The following ANKRD37 variants were observed in gnomAD, a reference collection of about 807,000 sequenced individuals.
The protein encoded by ANKRD37 is ankyrin repeat domain 37.
Under a neutral mutation model 19.7 loss-of-function variants are expected in ANKRD37, and 17 were observed. The ratio of observed to expected loss-of-function variants is 0.86; its 90% CI spans 0.59 to 1.29. The LOEUF is 1.29. Among genes scored for constraint, ANKRD37 ranks in the 50% most tolerant of loss-of-function variants. The pLI is 0.00. For missense variants in ANKRD37, 207 were observed against 190.4 expected, an observed-to-expected ratio of 1.09 and a Z score of -0.51; for synonymous variants, 79 against 74.5, an observed-to-expected ratio of 1.06 and a Z score of -0.31.
At chr4:185,398,794 CA>C (rs34434090) in intron 2 of ANKRD37, 142 bp from the exon 3 acceptor site, 31,332 of 252,838 alleles carry the variant, frequency 0.12, 1 homozygote, top group Middle Eastern at 0.17. Flanking sequence ...TGTTCTCTGC[CA>C]AAAAAAAAAA....
chr4:185,398,962 A>G lies in ANKRD37; in HGVS notation c.206A>G (p.His69Arg). ...QQDVLGEAPLHKAAKVGSLEC... is the reference protein window; with the variant it reads ...QQDVLGEAPLRKAAKVGSLEC... ...GATGTTTTAGGAGAAGCTCCACTAC[A>G]CAAGGCAGCAAAAGTTGGAAGCCTG... is the stretch of plus-strand genomic sequence containing the variant. Residue 69 changes from histidine to arginine, a missense_variant, in exon 3 of 5, where the codon CAC becomes CGC. Transcript: ENST00000335174. 1 of 1,613,898 alleles carries G rather than the reference A, an allele frequency of 6.2e-7. No homozygotes were observed. The highest frequency in any genetic ancestry group is 8.5e-7 in the Non-Finnish European group (1 of 1,179,842).
chr4:185,399,776 A>G lies in ANKRD37; in HGVS notation c.476+3A>G. On this transcript the variant is annotated splice_donor_region_variant and intron_variant, in intron 4 of 4. Transcript: ENST00000335174. Reference sequence around the variant, plus strand: ...ACCAGTGGGAAAAGGAAGTGCTGGTAAGTAACTCAGAGCTGCTGCTTTTTT... The same window carrying G: ...ACCAGTGGGAAAAGGAAGTGCTGGTGAGTAACTCAGAGCTGCTGCTTTTTT... 6.2e-7 allele frequency: 1 copy of G among 1,613,960 alleles called. No individual in the cohort carries two copies. The highest frequency in any genetic ancestry group is 8.5e-7 in the Non-Finnish European group (1 of 1,179,952).
chr4:185,399,359 C>T (rs1449767970), intron 3 of ANKRD37, among the ~76,000 whole-genome samples: 1 of 152,184 alleles, frequency 6.6e-6, no homozygotes, highest in Non-Finnish European at 1.5e-5. Flanking sequence ...ATAATTCTAA[C>T]ATTCATTCAG....
chr4:185,399,921 A>T, intron 4 of ANKRD37, 96 bp from the exon 5 acceptor site: 2 of 1,546,800 alleles, frequency 1.3e-6, no homozygotes, highest in Non-Finnish European at 1.7e-6. Flanking sequence ...TACTTACCAG[A>T]GTCTAGAGAC....
chr4:185,400,411 T>C, downstream of ANKRD37: 1 of 1,613,600 alleles, frequency 6.2e-7, no homozygotes, highest in East Asian at 2.2e-5. Flanking sequence ...ATTTGGTCGC[T>C]GAGGAAGACA....
chr4:185,399,940 G>T, intron 4 of ANKRD37, 77 bp from the exon 5 acceptor site: 4 of 1,564,502 alleles, frequency 2.6e-6, no homozygotes, highest in East Asian at 2.3e-5. Context: ...ACCAAAAATG[G>T]GACTGCATGG....
intron 2 of ANKRD37, among the ~76,000 whole-genome samples, chr4:185,398,513 A>G (rs2095508651): frequency 6.6e-6 from 1 of 152,244 alleles, no homozygotes; most frequent in African/African-American, 2.4e-5. Context: ...GAAGATCTAA[A>G]TAAAGGAATG....
intron 2 of ANKRD37, 32 bp downstream of exon 2, chr4:185,397,334 T>C (rs2095506050): frequency 5.0e-6 from 8 of 1,606,194 alleles, no homozygotes; most frequent in African/African-American, 1.3e-5. Context: ...TGTACAGCCG[T>C]CCCCTCCAAC....
At chr4:185,400,372 G>GTCTT (rs2095511844), downstream of ANKRD37, 1 of 1,576,360 alleles carries the variant, frequency 6.3e-7, no homozygotes, top group Non-Finnish European at 8.7e-7. Flanking sequence ...CTCTACTGCA[G>GTCTT]TCTTTGACTC....
At position 185,399,704 on chromosome 4, in the gene ANKRD37, G is replaced by C. The variant is rs757963460; in HGVS notation, c.407G>C (p.Cys136Ser). The part of the protein sequence containing the change: ...KASEHPDRND[C>S]VAVLRQKRSL... ...AGTGAACACCCTGACAGGAATGATTGTGTTGCCGTGCTCAGACAGAAACGG... is the reference window on the plus strand; with the variant it reads ...AGTGAACACCCTGACAGGAATGATTCTGTTGCCGTGCTCAGACAGAAACGG... Residue 136 changes from cysteine to serine, a missense_variant, in exon 4 of 5, where the codon TGT (cysteine) becomes TCT (serine). Transcript: ENST00000335174. 11 of 1,614,164 alleles carry C rather than the reference G, an allele frequency of 6.8e-6. No individual in the cohort carries two copies. The South Asian group carries it at 1.2e-4, about 18-fold the overall frequency.
Position 185,399,000 on chromosome 4 carries a change from C to T in ANKRD37, c.244C>T (p.Leu82=). ...AKVGSLECLS[L]LVASDAQIDL... is the part of the protein sequence containing the mutation. ...AGTTGGAAGCCTGGAGTGCCTAAGC[C>T]TGCTTGTAGCCAGTGATGCCCAAAT... Residue 82 remains leucine (L), a synonymous_variant, in exon 3 of 5, where the codon CTG becomes TTG. Coordinates refer to ENST00000335174, the MANE Select transcript of ANKRD37 (RefSeq NM_181726.4). 1 of 1,613,844 alleles carries T rather than the reference C, an allele frequency of 6.2e-7. No homozygotes were observed. Among genetic ancestry groups the T allele is most frequent in the Non-Finnish European group, 8.5e-7 (1 of 1,179,802 alleles).
At chr4:185,397,010 G>GTCTTCTCGT (rs1472904031) in intron 1 of ANKRD37, 60 bp downstream of exon 1, 1 of 1,611,098 alleles carries the variant, frequency 6.2e-7, no homozygotes, top group Non-Finnish European at 8.5e-7. Context: ...TTCTAGATTC[G>GTCTTCTCGT]TCTTCTCGTT....
rs763404305 is a variant in ANKRD37 at position 185,399,791 on chromosome 4, G to A, written c.476+18G>A. ...AAGTGCTGGTAAGTAACTCAGAGCT[G>A]CTGCTTTTTTCCTCCCGCAGTGATC... On this transcript the variant is annotated intron_variant, in intron 4 of 4. Transcript: ENST00000335174. 9.9e-6 allele frequency: 16 copies of A among 1,613,294 alleles called. No individual in the cohort carries two copies. The Admixed American group carries it at 2.2e-4, about 22-fold the overall frequency.
chr4:185,399,072 T>A, intron 3 of ANKRD37, 44 bp downstream of exon 3: 1 of 1,525,536 alleles, frequency 6.6e-7, no homozygotes, highest in Non-Finnish European at 9.1e-7. Context: ...TTTTCTTGGA[T>A]TAAACTAATC....
chr4:185,399,961 G>C lies in ANKRD37; in HGVS notation c.*-56G>C, dbSNP rs905626668. The C allele has an allele frequency of 1.9e-6, 3 of 1,584,180 alleles. No homozygotes were observed. In the East Asian group the frequency reaches 6.8e-5, roughly 36 times the overall value. ...AATGGGACTGCATGGTGGAAGTTTG[G>C]GGATAAAACTCTTTTTAAAAAAAAG... On this transcript the variant is annotated intron_variant, in intron 4 of 4. Coordinates refer to ENST00000335174, the MANE Select transcript of ANKRD37 (RefSeq NM_181726.4).
At chr4:185,399,147 TTAATCA>T (rs2126871741) in intron 3 of ANKRD37, 119 bp downstream of exon 3, 1 of 856,128 alleles carries the variant, frequency 1.2e-6, no homozygotes, top group Non-Finnish European at 1.9e-6. Flanking sequence ...TAATTTAGTG[TTAATCA>T]TTTAAATGTT....
At chr4:185,398,639 A>G (rs3087564) in intron 2 of ANKRD37, among the ~76,000 whole-genome samples, 10,304 of 152,174 alleles carry the variant, frequency 0.068, 388 homozygotes, top group South Asian at 0.088. Context: ...TTTAATTAGA[A>G]GAGATGTTGA....
At chr4:185,397,111 A>C in intron 1 of ANKRD37, 39 bp from the exon 2 acceptor site, 1 of 1,611,514 alleles carries the variant, frequency 6.2e-7, no homozygotes, top group Non-Finnish European at 8.5e-7. Flanking sequence ...GGGACTGGAC[A>C]AAGGTGGGAA....
In ANKRD37 at chr4:185,396,852, C is replaced by T; in HGVS notation, c.-72C>T. 4.6e-6 allele frequency: 7 copies of T among 1,523,170 alleles called. No individual in the cohort carries two copies. Among genetic ancestry groups the T allele is most frequent in the South Asian group, 2.2e-5 (2 of 89,404 alleles). The allele number at this position is 1,523,170 out of a possible 1,614,324, so 94.4% of individuals were successfully genotyped here. A position where few individuals can be genotyped will look rare whatever the true frequency, so the allele number is the denominator to read the frequency against. The stretch of plus-strand genomic sequence containing the variant: ...GCTAGGGCCAGCCTGCGCATTCTTA[C>T]CTGTCGGGGTGCGGCGAGTGTCTCA... On this transcript the variant is annotated 5_prime_UTR_variant, in exon 1 of 5. Transcript: ENST00000335174.
Sources: allele counts gnomAD v4.1 joint callset (sites outside exome capture counted in the v4.1 genomes callset), GRCh38; gene constraint gnomAD v4.1.1; transcripts MANE v1.5; gene names NCBI Gene and HGNC (gene_info 2026-07-23, HGNC 2026-07-21).